Variants in MROH9 observed in about 807,000 individuals in gnomAD.
The protein encoded by MROH9 is maestro heat-like repeat-containing protein family member 9.
MROH9 carries 92 observed loss-of-function variants against 98.2 expected under a neutral mutation model. The observed-to-expected ratio is 0.94, with a 90% CI of 0.79 to 1.11. The LOEUF (loss-of-function observed/expected upper bound fraction) is 1.11. Ranked by LOEUF, MROH9 falls within the 50% of genes most tolerant of loss-of-function variation. The probability of loss-of-function intolerance (pLI) is 0.00; values close to 1 mark genes in which losing one functional copy is unlikely to be tolerated. For missense variants in MROH9, 1,057 were observed against 1,014.8 expected (o/e 1.04, Z -0.57); for synonymous variants, 397 against 368.9 (o/e 1.08, Z -0.87).
chr1:170,942,291 TAAG>T (rs1279050809), intron 1 of MROH9, among the ~76,000 whole-genome samples: 3 of 151,648 alleles, frequency 2.0e-5, no homozygotes, highest in African/African-American at 7.3e-5. Context: ...GTTGAGTCCC[TAAG>T]AAGACTCAGC....
intron 8 of MROH9, among the ~76,000 whole-genome samples, chr1:170,979,329 A>G (rs908285187): frequency 2.0e-5 from 3 of 152,202 alleles, no homozygotes; most frequent in African/African-American, 4.8e-5. Context: ...GTTCTATTCT[A>G]TTCAACATTG....
At chr1:170,995,269 G>A (rs1350165340) in intron 12 of MROH9, 120 bp from the exon 13 acceptor site, 1 of 1,068,978 alleles carries the variant, frequency 9.4e-7, no homozygotes, top group African/African-American at 1.6e-5. Flanking sequence ...TGTGCTTTAG[G>A]TTTTCTTCAA....
intron 2 of MROH9, 115 bp from the exon 3 acceptor site, chr1:170,947,412 T>C (rs1398213334): frequency 5.1e-6 from 4 of 790,506 alleles, no homozygotes; most frequent in Admixed American, 2.1e-5. Context: ...GTGCATGTCC[T>C]TGTTGGGCTT....
intron 4 of MROH9, among the ~76,000 whole-genome samples, chr1:170,958,926 G>A (rs939603859): frequency 6.6e-6 from 1 of 152,124 alleles, no homozygotes; most frequent in Non-Finnish European, 1.5e-5. Flanking sequence ...TGTTTATGGA[G>A]AAATATATTC....
At chr1:171,043,946 A>G (rs993716268) in intron 20 of MROH9, among the ~76,000 whole-genome samples, 1 of 152,116 alleles carries the variant, frequency 6.6e-6, no homozygotes, top group African/African-American at 2.4e-5. Context: ...GTTCCAATTT[A>G]GATATCCTTT....
chr1:171,019,861 T>C (rs761950428), intron 17 of MROH9, among the ~76,000 whole-genome samples: 16 of 151,802 alleles, frequency 1.1e-4, no homozygotes, highest in Non-Finnish European at 1.6e-4. Flanking sequence ...ACAAAATAGA[T>C]AGACCACTAG....
chr1:171,008,460 C>T (rs28731151), intron 15 of MROH9, among the ~76,000 whole-genome samples: 1 of 152,064 alleles, frequency 6.6e-6, no homozygotes, highest in African/African-American at 2.4e-5. Flanking sequence ...TCAATTGTAA[C>T]AATCAATTCA....
chr1:170,977,372 G>A (rs1444550640), intron 8 of MROH9, among the ~76,000 whole-genome samples: 1 of 152,216 alleles, frequency 6.6e-6, no homozygotes, highest in African/African-American at 2.4e-5. Flanking sequence ...TTTAACTGCA[G>A]TGGAGATTGA....
chr1:170,981,523 C>T (rs115220459), intron 8 of MROH9, among the ~76,000 whole-genome samples: 316 of 152,240 alleles, frequency 2.1e-3, no homozygotes, highest in African/African-American at 7.3e-3. Context: ...GAAAACCAAA[C>T]CACGTGTTCT....
chr1:170,995,794 C>T (rs2101813541), intron 13 of MROH9, among the ~76,000 whole-genome samples: 1 of 152,252 alleles, frequency 6.6e-6, no homozygotes, highest in South Asian at 2.1e-4. Flanking sequence ...ACCACACTGC[C>T]TATCAGATCA....
intron 20 of MROH9, among the ~76,000 whole-genome samples, chr1:171,031,113 G>GT (rs980672447): frequency 1.2e-4 from 18 of 151,980 alleles, no homozygotes; most frequent in Non-Finnish European, 1.3e-4. Flanking sequence ...AACCCCTGCG[G>GT]TTTTTTTGCT....
Position 171,050,057 on chromosome 1 carries a change from G to A in MROH9, c.2282-12075G>A, listed in dbSNP as rs149994748. Among the ~76,000 whole-genome samples the A allele has an allele frequency of 1.2e-4, 19 of 152,192 alleles. No homozygotes were observed. In the East Asian group the frequency reaches 3.7e-3, roughly 29 times the overall value. The stretch of plus-strand genomic sequence containing the variant: ...TAATTCTTTGTCAAATGCATACTAT[G>A]CAAATACTTTCTCTCATCCTATGGA... On this transcript the variant is annotated intron_variant, in intron 20 of 21. Coordinates refer to ENST00000367759, the MANE Select transcript of MROH9 (RefSeq NM_001163629.2).
chr1:171,041,634 G>T (rs1000455932), intron 20 of MROH9, among the ~76,000 whole-genome samples: 4 of 151,566 alleles, frequency 2.6e-5, no homozygotes, highest in Admixed American at 1.3e-4. Context: ...TTAATTATTT[G>T]AGAAATCAAC....
At chr1:170,956,027 T>C (rs951802909) in intron 3 of MROH9, among the ~76,000 whole-genome samples, 1 of 152,208 alleles carries the variant, frequency 6.6e-6, no homozygotes, top group African/African-American at 2.4e-5. Flanking sequence ...TTCATTCTCC[T>C]GCATGTGGCT....
chr1:170,970,731 T>TGTGTGTGTGTGTGA (rs1491154307), intron 7 of MROH9, among the ~76,000 whole-genome samples: 36 of 90,874 alleles, frequency 4.0e-4, no homozygotes, highest in African/African-American at 1.1e-3. Context: ...TGTGTGTGTG[T>TGTGTGTGTGTGTGA]GAGAGAGAGA....
At chr1:170,998,780 A>C in intron 15 of MROH9, 1 of 969,010 alleles carries the variant, frequency 1.0e-6, no homozygotes, top group Non-Finnish European at 1.2e-6. Context: ...TTTTGTTTAC[A>C]AAAAATAAAG....
chr1:171,014,329 C>A, intron 16 of MROH9, 75 bp downstream of exon 16: 2 of 1,351,538 alleles, frequency 1.5e-6, no homozygotes, highest in Admixed American at 2.3e-5. Flanking sequence ...TTAACATCTT[C>A]ACTGACAAAG....
intron 1 of MROH9, among the ~76,000 whole-genome samples, chr1:170,935,922 G>A (rs1339677512): frequency 6.9e-5 from 10 of 145,444 alleles, no homozygotes; most frequent in African/African-American, 1.0e-4. Flanking sequence ...AACTCGGGAG[G>A]TGGAGGTTGC....
At chr1:170,977,519 G>T (rs1427442756) in intron 8 of MROH9, among the ~76,000 whole-genome samples, 1 of 152,080 alleles carries the variant, frequency 6.6e-6, no homozygotes, top group Non-Finnish European at 1.5e-5. Context: ...GAAGCTTTAG[G>T]GTGTGATCTG....
Sources: allele counts gnomAD v4.1 joint callset (sites outside exome capture counted in the v4.1 genomes callset), GRCh38; gene constraint gnomAD v4.1.1; transcripts MANE v1.5; gene names NCBI Gene and HGNC (gene_info 2026-07-23, HGNC 2026-07-21).